Variants in BBS9 observed in about 807,000 individuals in gnomAD.
The protein encoded by BBS9 is Bardet-Biedl syndrome 9, also known as protein PTHB1.
BBS9 carries 89 observed loss-of-function variants against 117.7 expected under a neutral mutation model. The ratio of observed to expected loss-of-function variants is 0.76; its 90% CI spans 0.64 to 0.90. The LOEUF is 0.90. Ranked by LOEUF, BBS9 falls within the 40% of genes least tolerant of loss-of-function variation. The probability of loss-of-function intolerance (pLI) is 0.00; values close to 1 mark genes in which losing one functional copy is unlikely to be tolerated. For synonymous variants in BBS9, 379 were observed against 370.9 expected, an observed-to-expected ratio of 1.02 and a Z score of -0.25; for missense variants, 982 against 1,042.2, an observed-to-expected ratio of 0.94 and a Z score of 0.80.
At chr7:33,323,833 CTTTT>C (rs1227126451) in intron 9 of BBS9, among the ~76,000 whole-genome samples, 1 of 105,166 alleles carries the variant, frequency 9.5e-6, no homozygotes, top group Non-Finnish European at 1.9e-5. Context: ...TCCTGTCTTC[CTTTT>C]TTTTTTTTTT....
chr7:33,557,544 C>CG (rs1855478330), intron 21 of BBS9, among the ~76,000 whole-genome samples: 1 of 308 alleles, frequency 3.2e-3, no homozygotes, highest in African/African-American at 0.011. Context: ...TAGTTTCATT[C>CG]CTTTGCAATT....
chr7:33,530,962 G>T (rs1585148080), intron 20 of BBS9, among the ~76,000 whole-genome samples: 1 of 152,260 alleles, frequency 6.6e-6, no homozygotes, highest in East Asian at 1.9e-4. Flanking sequence ...ACCAACTGCA[G>T]GGCCAGACAT....
At chr7:33,617,367 G>GGGACT (rs1865192776) in intron 21 of BBS9, among the ~76,000 whole-genome samples, 1 of 152,110 alleles carries the variant, frequency 6.6e-6, no homozygotes, top group South Asian at 2.1e-4. Context: ...GAGAAAGTAA[G>GGGACT]TTATCAGGGA....
chr7:33,325,907 C>T (rs1812725069), intron 9 of BBS9, among the ~76,000 whole-genome samples: 1 of 152,104 alleles, frequency 6.6e-6, no homozygotes. Context: ...CTCCCATGGC[C>T]ACCACCAATG....
At chr7:33,317,054 G>C (rs1810658035) in intron 9 of BBS9, among the ~76,000 whole-genome samples, 1 of 152,042 alleles carries the variant, frequency 6.6e-6, no homozygotes, top group African/African-American at 2.4e-5. Flanking sequence ...ATAATGTGAG[G>C]CTTATTTTTT....
At chr7:33,520,694 C>T (rs1848470017) in intron 20 of BBS9, among the ~76,000 whole-genome samples, 1 of 152,100 alleles carries the variant, frequency 6.6e-6, no homozygotes, top group African/African-American at 2.4e-5. Context: ...AAGTGCAAGT[C>T]ATAGTGTGAG....
At chr7:33,473,512 C>T (rs982845248) in intron 19 of BBS9, among the ~76,000 whole-genome samples, 24 of 152,238 alleles carry the variant, frequency 1.6e-4, no homozygotes, top group Admixed American at 3.3e-4. Flanking sequence ...TTAGTAGAGA[C>T]GGAGTTTCAC....
intron 21 of BBS9, among the ~76,000 whole-genome samples, chr7:33,555,940 CTG>C (rs936701600): frequency 9.9e-5 from 15 of 152,250 alleles, no homozygotes; most frequent in African/African-American, 3.6e-4. Flanking sequence ...TCATGTCACA[CTG>C]TGTTTCTCTA....
At chr7:33,361,623 A>G (rs1028260193) in intron 16 of BBS9, among the ~76,000 whole-genome samples, 3 of 152,158 alleles carry the variant, frequency 2.0e-5, no homozygotes, top group African/African-American at 7.2e-5. Flanking sequence ...AAAAAATGAC[A>G]TTTCATTTTT....
chr7:33,408,475 G>A (rs1301298577), intron 19 of BBS9, among the ~76,000 whole-genome samples: 1 of 152,196 alleles, frequency 6.6e-6, no homozygotes, highest in Non-Finnish European at 1.5e-5. Context: ...GCACTCCCTA[G>A]TGAGATGAAC....
At chr7:33,601,875 A>G (rs898441614) in intron 21 of BBS9, among the ~76,000 whole-genome samples, 1 of 152,148 alleles carries the variant, frequency 6.6e-6, no homozygotes, top group African/African-American at 2.4e-5. Context: ...AAGCATAAGT[A>G]ATTGCACACC....
chr7:33,216,440 T>G (rs753739149), intron 5 of BBS9, among the ~76,000 whole-genome samples: 4 of 152,198 alleles, frequency 2.6e-5, no homozygotes, highest in Non-Finnish European at 5.9e-5. Flanking sequence ...GAAAAGTAAT[T>G]CTTTTCCATA....
chr7:33,312,060 A>G (rs1264869405), intron 9 of BBS9, among the ~76,000 whole-genome samples: 1 of 152,234 alleles, frequency 6.6e-6, no homozygotes, highest in East Asian at 1.9e-4. Flanking sequence ...ACTTGCAATG[A>G]CATACAATTG....
chr7:33,258,809 T>C (rs999389556), intron 6 of BBS9, among the ~76,000 whole-genome samples: 17 of 152,200 alleles, frequency 1.1e-4, no homozygotes, highest in African/African-American at 4.1e-4. Context: ...TGATAATAAC[T>C]CTGGGAGTGA....
At chr7:33,598,020 T>G (rs1863154818) in intron 21 of BBS9, among the ~76,000 whole-genome samples, 2 of 152,036 alleles carry the variant, frequency 1.3e-5, no homozygotes, top group African/African-American at 4.8e-5. Flanking sequence ...ATGGGGCAAC[T>G]GATGATCTGC....
chr7:33,515,644 A>G (rs773299364), intron 20 of BBS9, among the ~76,000 whole-genome samples: 64 of 152,364 alleles, frequency 4.2e-4, no homozygotes, highest in Middle Eastern at 6.8e-3. Context: ...TGATACATTA[A>G]TTAATTAAAC....
At chr7:33,333,101 T>C (rs1249035006) in intron 9 of BBS9, among the ~76,000 whole-genome samples, 2 of 152,150 alleles carry the variant, frequency 1.3e-5, no homozygotes, top group African/African-American at 2.4e-5. Flanking sequence ...CACGTGGTTT[T>C]TGCTTACATG....
intron 17 of BBS9, among the ~76,000 whole-genome samples, chr7:33,368,445 A>G (rs961820110): frequency 2.6e-5 from 4 of 152,168 alleles, no homozygotes; most frequent in African/African-American, 9.7e-5. Flanking sequence ...AAACTAGTCA[A>G]TGTAAAACTA....
At chr7:33,565,842 G>GC (rs1183709984) in intron 21 of BBS9, among the ~76,000 whole-genome samples, 3 of 17,050 alleles carry the variant, frequency 1.8e-4, no homozygotes, top group African/African-American at 1.2e-3. Flanking sequence ...TATATATACT[G>GC]CTTATATATA....
Sources: gnomAD v4.1 joint callset for allele counts (sites outside exome capture counted in the v4.1 genomes callset) on GRCh38, gnomAD v4.1.1 for gene constraint, MANE v1.5 for transcripts, NCBI Gene and HGNC (gene_info 2026-07-23, HGNC 2026-07-21) for gene names.